CHCT1: variants seen among roughly 807,000 people sequenced by gnomAD.
CHCT1 encodes the protein CHD1 helical C-terminal domain containing protein 1.
the CHCT1 span, chr17:60,431,106 C>A: frequency 9.8e-7 from 1 of 1,015,572 alleles, no homozygotes; most frequent in Non-Finnish European, 1.5e-6. Context: ...CCTACAACAC[C>A]CCCCATGTAT....
At chr17:60,421,593 C>G in the CHCT1 span, 1 of 983,242 alleles carries the variant, frequency 1.0e-6, no homozygotes, top group Non-Finnish European at 1.2e-6. Flanking sequence ...GAGGAAACTG[C>G]GGGGGCAACG....
At chr17:60,423,043 C>T in the CHCT1 span, among the ~76,000 whole-genome samples, 2 of 152,074 alleles carry the variant, frequency 1.3e-5, no homozygotes, top group East Asian at 1.9e-4. Context: ...GTGGTCTGGA[C>T]GGGATCTTCC....
chr17:60,430,459 T>C, the CHCT1 span, among the ~76,000 whole-genome samples: 1 of 152,150 alleles, frequency 6.6e-6, no homozygotes, highest in Non-Finnish European at 1.5e-5. Flanking sequence ...GGCACTATGT[T>C]AATAAAGTAA....
At chr17:60,424,950 T>C in the CHCT1 span, among the ~76,000 whole-genome samples, 7,245 of 152,134 alleles carry the variant, frequency 0.048, 576 homozygotes, top group African/African-American at 0.16. Flanking sequence ...TATGAAGCAT[T>C]GCGTTTTCTC....
chr17:60,426,523 A>G, the CHCT1 span: 1 of 1,056,876 alleles, frequency 9.5e-7, no homozygotes. Flanking sequence ...TGACTGAACA[A>G]CTGCGTGCAG....
At chr17:60,430,933 T>G in the CHCT1 span, among the ~76,000 whole-genome samples, 2 of 152,218 alleles carry the variant, frequency 1.3e-5, no homozygotes, top group Admixed American at 6.5e-5. Context: ...TCCCCTAACT[T>G]GCTGTAAGAC....
At chr17:60,426,829 G>T in the CHCT1 span, 4 of 1,590,318 alleles carry the variant, frequency 2.5e-6, no homozygotes, top group Admixed American at 7.1e-5. Flanking sequence ...TGAGGCGCAA[G>T]ACATTCCGCC....
At chr17:60,431,299 CTGGCTCT>C in the CHCT1 span, 1 of 1,513,738 alleles carries the variant, frequency 6.6e-7, no homozygotes, top group Non-Finnish European at 9.1e-7. Context: ...CCCGCTTGTC[CTGGCTCT>C]CAGAGCACGG....
At chr17:60,426,395 T>G in the CHCT1 span, 28 of 1,454,612 alleles carry the variant, frequency 1.9e-5, no homozygotes, top group African/African-American at 3.6e-4. Flanking sequence ...CCCTCTTCAT[T>G]CAAGGGGACA....
At chr17:60,422,131 C>T in the CHCT1 span, 1 of 315,452 alleles carries the variant, frequency 3.2e-6, no homozygotes, top group Middle Eastern at 1.3e-3. Flanking sequence ...GACCTCTGTC[C>T]CAAATCAGAA....
chr17:60,429,335 C>CT, the CHCT1 span: 5 of 1,599,548 alleles, frequency 3.1e-6, no homozygotes, highest in Non-Finnish European at 4.3e-6. Flanking sequence ...TCTCAACACT[C>CT]TCCTTAACAC....
chr17:60,426,080 C>G, the CHCT1 span: 1 of 1,448,200 alleles, frequency 6.9e-7, no homozygotes, highest in Admixed American at 2.1e-5. Context: ...TGCGGCCAGA[C>G]CGGTGTGCTG....
chr17:60,429,671 A>C, the CHCT1 span: 1 of 975,994 alleles, frequency 1.0e-6, no homozygotes, highest in Non-Finnish European at 1.5e-6. Flanking sequence ...CCAGCCTGAC[A>C]AGCTCCTCTT....
the CHCT1 span, among the ~76,000 whole-genome samples, chr17:60,427,376 G>A: frequency 6.6e-6 from 1 of 152,118 alleles, no homozygotes; most frequent in Non-Finnish European, 1.5e-5. Flanking sequence ...AGCATTGGTA[G>A]GTGTGTCTTA....
At chr17:60,422,306 T>C in the CHCT1 span, 1 of 541,970 alleles carries the variant, frequency 1.8e-6, no homozygotes, top group Non-Finnish European at 3.0e-6. Flanking sequence ...CAGCCTCTCC[T>C]GGCCTGCTGT....
the CHCT1 span, chr17:60,431,157 T>G: frequency 2.0e-6 from 3 of 1,507,378 alleles, no homozygotes; most frequent in Admixed American, 1.8e-5. Flanking sequence ...TCATTGGGAC[T>G]GTCTCTGACC....
the CHCT1 span, among the ~76,000 whole-genome samples, chr17:60,424,809 G>A: frequency 1.3e-5 from 2 of 151,254 alleles, no homozygotes; most frequent in African/African-American, 2.4e-5. Flanking sequence ...GGAGGCCAAG[G>A]TTGCAGTGAG....
chr17:60,430,543 C>A, the CHCT1 span, among the ~76,000 whole-genome samples: 5 of 152,304 alleles, frequency 3.3e-5, no homozygotes, highest in African/African-American at 1.2e-4. Flanking sequence ...TGCAGTTGTG[C>A]GATCTCAGCT....
the CHCT1 span, chr17:60,429,321 CT>C: frequency 6.3e-7 from 1 of 1,582,674 alleles, no homozygotes; most frequent in African/African-American, 1.3e-5. Flanking sequence ...TCAGGTCCCC[CT>C]CTTCTCAACA....
Sources: allele counts gnomAD v4.1 joint callset (sites outside exome capture counted in the v4.1 genomes callset), GRCh38; gene constraint gnomAD v4.1.1; transcripts MANE v1.5; gene names NCBI Gene and HGNC (gene_info 2026-07-23, HGNC 2026-07-21).